Variants in SEL1L3 observed in about 807,000 individuals in gnomAD.
SEL1L3 encodes protein sel-1 homolog 3.
In SEL1L3, 76 loss-of-function variants were observed where a neutral mutation model predicts 142.8. The observed-to-expected ratio is 0.53, with a 90% CI of 0.44 to 0.64. The LOEUF (loss-of-function observed/expected upper bound fraction) is 0.64. SEL1L3 is among the 30% of genes least tolerant of loss of function. SEL1L3 has a pLI of 0.00. For missense variants in SEL1L3, 1,262 were observed against 1,381.7 expected (o/e 0.91, Z 1.37); for synonymous variants, 504 against 519.6 (o/e 0.97, Z 0.41).
At chr4:25,770,739 C>CAAAAAAAAAAAAAA (rs57317400) in intron 17 of SEL1L3, among the ~76,000 whole-genome samples, 3 of 97,372 alleles carry the variant, frequency 3.1e-5, no homozygotes, top group African/African-American at 7.5e-5. Context: ...GACTCTGTCT[C>CAAAAAAAAAAAAAA]AAAAAAAAAA....
chr4:25,820,774 CT>C (rs1178461509), intron 7 of SEL1L3, among the ~76,000 whole-genome samples: 4 of 152,060 alleles, frequency 2.6e-5, no homozygotes, highest in Non-Finnish European at 5.9e-5. Flanking sequence ...ACATTTCTTT[CT>C]TTCTTTTTTT....
intron 1 of SEL1L3, among the ~76,000 whole-genome samples, chr4:25,856,599 A>C (rs1410182954): frequency 1.3e-5 from 2 of 151,756 alleles, no homozygotes; most frequent in Non-Finnish European, 2.9e-5. Flanking sequence ...TAATTAAAAA[A>C]AAAAAAAAAA....
At chr4:25,769,996 T>TGG (rs2109144052) in intron 17 of SEL1L3, among the ~76,000 whole-genome samples, 1 of 151,998 alleles carries the variant, frequency 6.6e-6, no homozygotes, top group South Asian at 2.1e-4. Context: ...GGCATGGTGG[T>TGG]GCATGCCTGT....
intron 9 of SEL1L3, among the ~76,000 whole-genome samples, chr4:25,811,061 G>A (rs1713988280): frequency 6.6e-6 from 1 of 152,208 alleles, no homozygotes; most frequent in South Asian, 2.1e-4. Flanking sequence ...AGAGTTGTGT[G>A]TGGGCTGGTC....
intron 20 of SEL1L3, among the ~76,000 whole-genome samples, chr4:25,760,210 T>G (rs982306621): frequency 6.6e-6 from 1 of 152,202 alleles, no homozygotes; most frequent in Non-Finnish European, 1.5e-5. Context: ...CTATGGATAA[T>G]GGCTTCCAGC....
At chr4:25,826,944 G>A (rs1715135313) in intron 6 of SEL1L3, among the ~76,000 whole-genome samples, 2 of 152,132 alleles carry the variant, frequency 1.3e-5, no homozygotes, top group African/African-American at 4.8e-5. Flanking sequence ...GATTACAGGC[G>A]TGAGCCACTG....
intron 1 of SEL1L3, among the ~76,000 whole-genome samples, chr4:25,851,970 C>T (rs897084014): frequency 2.0e-5 from 3 of 151,264 alleles, no homozygotes; most frequent in African/African-American, 7.3e-5. Flanking sequence ...GCTGGTGATT[C>T]CTTTTGACCA....
intron 9 of SEL1L3, among the ~76,000 whole-genome samples, chr4:25,809,534 T>C (rs1029789049): frequency 2.6e-5 from 4 of 152,290 alleles, no homozygotes; most frequent in East Asian, 1.9e-4. Context: ...TCCTCCCGCA[T>C]TGGCCTCCCA....
chr4:25,743,172 T>C (rs894255677), downstream of SEL1L3, among the ~76,000 whole-genome samples: 10 of 152,198 alleles, frequency 6.6e-5, no homozygotes, highest in African/African-American at 2.4e-4. Flanking sequence ...TTTCACATCA[T>C]TAGAGTTTTT....
At chr4:25,778,050 T>C (rs1719754068) in intron 16 of SEL1L3, among the ~76,000 whole-genome samples, 1 of 152,216 alleles carries the variant, frequency 6.6e-6, no homozygotes, top group South Asian at 2.1e-4. Context: ...ATTTCATCTA[T>C]GGGTCATGGT....
chr4:25,839,062 C>T (rs1452211030), intron 2 of SEL1L3, among the ~76,000 whole-genome samples: 7 of 152,236 alleles, frequency 4.6e-5, no homozygotes, highest in East Asian at 3.9e-4. Flanking sequence ...GCAAAATCTG[C>T]GGGGAAAGAA....
chr4:25,724,166 C>T, the SEL1L3 span, among the ~76,000 whole-genome samples: 6 of 152,138 alleles, frequency 3.9e-5, no homozygotes, highest in African/African-American at 1.4e-4. Flanking sequence ...CACCTGTAAT[C>T]CCAGCACTTT....
chr4:25,740,832 T>C, the SEL1L3 span, among the ~76,000 whole-genome samples: 780 of 152,298 alleles, frequency 5.1e-3, 4 homozygotes, highest in African/African-American at 0.018. Flanking sequence ...GTTGCCAGGC[T>C]GGAGTGCAAT....
chr4:25,715,042 G>A, the SEL1L3 span, among the ~76,000 whole-genome samples: 1 of 152,128 alleles, frequency 6.6e-6, no homozygotes, highest in Non-Finnish European at 1.5e-5. Flanking sequence ...CAGACAAAGA[G>A]CTAATTTCAA....
chr4:25,817,234 C>T (rs1190223715), intron 9 of SEL1L3, among the ~76,000 whole-genome samples: 1 of 152,178 alleles, frequency 6.6e-6, no homozygotes, highest in Non-Finnish European at 1.5e-5. Context: ...GCGGTGGGTA[C>T]AATGTAAGAC....
chr4:25,730,122 C>T, the SEL1L3 span, among the ~76,000 whole-genome samples: 5 of 152,102 alleles, frequency 3.3e-5, no homozygotes, highest in African/African-American at 4.8e-5. Context: ...TTAGTAGAGA[C>T]GGGGTTTCAC....
intron 6 of SEL1L3, among the ~76,000 whole-genome samples, chr4:25,825,081 T>C (rs1389526451): frequency 6.6e-6 from 1 of 152,218 alleles, no homozygotes. Context: ...TATACATATA[T>C]ATGTTTTAAT....
chr4:25,813,707 G>T (rs1256195104), intron 9 of SEL1L3, among the ~76,000 whole-genome samples: 1 of 152,178 alleles, frequency 6.6e-6, no homozygotes, highest in Non-Finnish European at 1.5e-5. Flanking sequence ...TTTGTTATGT[G>T]TATATTAGCA....
At chr4:25,714,486 TTCTC>T in the SEL1L3 span, among the ~76,000 whole-genome samples, 1 of 119,974 alleles carries the variant, frequency 8.3e-6, no homozygotes, top group African/African-American at 4.2e-5. Flanking sequence ...CTTTCTTTCT[TTCTC>T]TTTCTTTCTT....
Sources: gnomAD v4.1 joint callset for allele counts (sites outside exome capture counted in the v4.1 genomes callset) on GRCh38, gnomAD v4.1.1 for gene constraint, MANE v1.5 for transcripts, NCBI Gene and HGNC (gene_info 2026-07-23, HGNC 2026-07-21) for gene names.